The following NIPAL3 variants were observed in gnomAD, a reference collection of about 807,000 sequenced individuals.
NIPAL3 encodes the protein NIPA-like protein 3.
A neutral mutation model predicts 47.2 loss-of-function variants in NIPAL3; 41 were observed. The observed-to-expected ratio is 0.87, with a 90% CI of 0.68 to 1.13. NIPAL3 has a LOEUF of 1.13. NIPAL3 is among the 50% of genes most tolerant of loss of function. NIPAL3 has a pLI of 0.00. For synonymous variants in NIPAL3, 194 were observed against 209.6 expected (o/e 0.93, Z 0.64); for missense variants, 449 against 530.1 (o/e 0.85, Z 1.50).
At position 24,469,104 on chromosome 1, in the gene NIPAL3, G is replaced by A; in HGVS notation, c.1140G>A (p.Leu380=). The A allele has an allele frequency of 6.2e-7, 1 of 1,614,126 alleles. No homozygotes were observed. Among genetic ancestry groups the A allele is most frequent in the Non-Finnish European group, 8.5e-7 (1 of 1,180,032 alleles). The part of the protein sequence containing the change: ...NISEIYAPAT[L]PVMQEEHGSR... Reference sequence around the variant, plus strand: ...CTGAGATCTACGCTCCTGCCACCCTGCCAGTCATGCAAGAAGAGCACGGCT... The same window carrying A: ...CTGAGATCTACGCTCCTGCCACCCTACCAGTCATGCAAGAAGAGCACGGCT... Residue 380 remains leucine (L), a synonymous_variant, in exon 12 of 12, where the codon CTG becomes CTA. Transcript: ENST00000374399.
chr1:24,463,527 T>C (rs1646568149), intron 10 of NIPAL3, among the ~76,000 whole-genome samples: 1 of 152,164 alleles, frequency 6.6e-6, no homozygotes, highest in African/African-American at 2.4e-5. Context: ...AAAGTATGCT[T>C]GTTTATGTAA....
chr1:24,468,586 C>T (rs368788036), intron 11 of NIPAL3, among the ~76,000 whole-genome samples: 1 of 152,318 alleles, frequency 6.6e-6, no homozygotes, highest in East Asian at 1.9e-4. Flanking sequence ...ACAAAAATTA[C>T]CCTCTTTCCT....
At chr1:24,442,326 T>A in intron 4 of NIPAL3, 100 bp downstream of exon 4, 1 of 1,315,366 alleles carries the variant, frequency 7.6e-7, no homozygotes, top group Non-Finnish European at 1.0e-6. Context: ...AAACCAGCTT[T>A]AGCTTGGATA....
At chr1:24,421,329 G>A (rs1258140892) in intron 2 of NIPAL3, among the ~76,000 whole-genome samples, 1 of 151,960 alleles carries the variant, frequency 6.6e-6, no homozygotes, top group Non-Finnish European at 1.5e-5. Context: ...TCCAGCCTGG[G>A]TGAGAGAGTG....
chr1:24,435,026 TC>T (rs1281230793), intron 2 of NIPAL3, among the ~76,000 whole-genome samples: 2 of 152,168 alleles, frequency 1.3e-5, no homozygotes, highest in Non-Finnish European at 2.9e-5. Flanking sequence ...ACTATAGTAG[TC>T]AAGACAATAT....
At chr1:24,419,775 A>T (rs1004415477) in intron 2 of NIPAL3, 135 bp downstream of exon 2, 15 of 753,568 alleles carry the variant, frequency 2.0e-5, no homozygotes, top group Non-Finnish European at 3.3e-5. Context: ...CTTCACACAG[A>T]CAAGGGAATG....
chr1:24,452,636 CT>C (rs2148831563), intron 6 of NIPAL3, among the ~76,000 whole-genome samples: 1 of 152,272 alleles, frequency 6.6e-6, no homozygotes, highest in East Asian at 1.9e-4. Context: ...CTCCAAAGGC[CT>C]TCCTCATTCT....
In NIPAL3 at chr1:24,464,015, C is replaced by T; in HGVS notation, c.927-11C>T. 6.2e-7 allele frequency: 1 copy of T among 1,608,780 alleles called. No homozygotes were observed. The highest frequency in any genetic ancestry group is 8.5e-7 in the Non-Finnish European group (1 of 1,176,430). On this transcript the variant is annotated splice_polypyrimidine_tract_variant and intron_variant, in intron 10 of 11. Coordinates refer to ENST00000374399, the MANE Select transcript of NIPAL3 (RefSeq NM_020448.5). ...CCTTATTTCTCTTCCTATCTTATCT[C>T]CATTCCGCAGGTGCCTCATTGCATT...
rs571591331 is a variant in NIPAL3, at chr1:24,424,042, A to G, written c.93+4402A>G. On this transcript the variant is annotated intron_variant, in intron 2 of 11. Transcript: ENST00000374399. ...AAGAAAACTCAGAGCACTCTCCCTG[A>G]TGAGATTTCTAGTAAGTTTCCATTT... Among the ~76,000 whole-genome samples the G allele has an allele frequency of 3.5e-4, 54 of 152,342 alleles. No individual in the cohort carries two copies. The South Asian group carries it at 0.011, about 30-fold the overall frequency.
In NIPAL3 at chr1:24,419,596, A is replaced by G. The variant is rs1222233623; in HGVS notation, c.49A>G (p.Thr17Ala). Residue 17 changes from threonine (T) to alanine (A), a missense_variant, in exon 2 of 12, where the codon ACA becomes GCA. By Grantham distance (58) the Thr-to-Ala change is moderately conservative (BLOSUM62 0). Coordinates refer to ENST00000374399, the MANE Select transcript of NIPAL3 (RefSeq NM_020448.5). Reference sequence around the variant, plus strand: ...CCTGAAGCTGCAGCAGCTGCCTCCCACAAGTAGCTCCAGCGCCGTAAGCGA... The same window carrying G: ...CCTGAAGCTGCAGCAGCTGCCTCCCGCAAGTAGCTCCAGCGCCGTAAGCGA... ...AALKLQQLPPTSSSSAVSEAS... is the reference protein window; with the variant it reads ...AALKLQQLPPASSSSAVSEAS... 2 of 1,613,994 alleles carry G rather than the reference A, an allele frequency of 1.2e-6. No individual in the cohort carries two copies. Among genetic ancestry groups the G allele is most frequent in the Non-Finnish European group, 1.7e-6 (2 of 1,180,000 alleles).
rs372415650 is a variant in NIPAL3 at position 24,419,534 on chromosome 1, G to A, written c.-14G>A. On this transcript the variant is annotated 5_prime_UTR_variant, in exon 2 of 12. Coordinates refer to ENST00000374399, the MANE Select transcript of NIPAL3 (RefSeq NM_020448.5). ...TCCTAGGCCAGGCCCTGTGGGATGC[G>A]CCACTAGACCACCATGGACGGATCC... 1.8e-5 allele frequency: 29 copies of A among 1,605,396 alleles called. No individual in the cohort carries two copies. The highest frequency in any genetic ancestry group is 3.3e-4 in the Middle Eastern group (2 of 6,020).
At chr1:24,446,069 CGTGTGTGTGTGTG>C (rs1260606403) in intron 5 of NIPAL3, among the ~76,000 whole-genome samples, 3 of 147,736 alleles carry the variant, frequency 2.0e-5, no homozygotes, top group Non-Finnish European at 4.5e-5. Flanking sequence ...AGATTATAGT[CGTGTGTGTGTGTG>C]TGTGTGTGTG....
intron 10 of NIPAL3, among the ~76,000 whole-genome samples, chr1:24,461,123 C>T (rs1002045780): frequency 7.2e-5 from 11 of 152,128 alleles, no homozygotes; most frequent in Non-Finnish European, 1.3e-4. Context: ...AAATGCTCAG[C>T]AGTAGAATAC....
chr1:24,452,307 T>C (rs1645975276), intron 6 of NIPAL3, among the ~76,000 whole-genome samples: 1 of 152,218 alleles, frequency 6.6e-6, no homozygotes, highest in African/African-American at 2.4e-5. Flanking sequence ...CCAGACAGTG[T>C]GGCCTAGCAG....
At position 24,454,228 on chromosome 1, in the gene NIPAL3, G is replaced by A. The variant is rs763517881; in HGVS notation, c.637+724G>A. On this transcript the variant is annotated intron_variant, in intron 7 of 11. Coordinates refer to ENST00000374399, the MANE Select transcript of NIPAL3 (RefSeq NM_020448.5). This position sits in a 1 kb window ranked among gnomAD's most constrained non-coding sequence, Gnocchi z 4.1. ...TAATTTTATAGCTAAATAGAGCTGT[G>A]GGGAATCCATCCTTCCTGAGGAGAA... is the stretch of plus-strand genomic sequence containing the variant. 8.5e-7 allele frequency: 1 copy of A among 1,183,372 alleles called. No homozygotes were observed. The highest frequency in any genetic ancestry group is 1.1e-6 in the Non-Finnish European group (1 of 941,326). 73.3% of individuals were successfully genotyped at this position (1,183,372 alleles called of 1,614,324 possible).
intron 2 of NIPAL3, chr1:24,420,102 A>AAG (rs368127899): frequency 2.0e-5 from 3 of 152,754 alleles, no homozygotes; most frequent in African/African-American, 7.3e-5. Context: ...AAAAAAAAAA[A>AAG]GAGATGCTCA....
intron 2 of NIPAL3, among the ~76,000 whole-genome samples, chr1:24,425,289 T>G (rs1404838595): frequency 6.6e-6 from 1 of 151,202 alleles, no homozygotes; most frequent in Non-Finnish European, 1.5e-5. Flanking sequence ...TTTATAAACT[T>G]TCTTAAAACA....
intron 2 of NIPAL3, among the ~76,000 whole-genome samples, chr1:24,439,209 A>G (rs1239623802): frequency 6.6e-6 from 1 of 152,234 alleles, no homozygotes; most frequent in East Asian, 1.9e-4. Context: ...TGAAAAATTA[A>G]TAATAAAGGA....
upstream of NIPAL3, chr1:24,415,029 A>C (rs1444595821): frequency 2.0e-5 from 3 of 152,078 alleles, no homozygotes; most frequent in Non-Finnish European, 4.4e-5. Flanking sequence ...CTCATTGTTG[A>C]TGTCTAGGCC....
Sources: allele counts gnomAD v4.1 joint callset (sites outside exome capture counted in the v4.1 genomes callset), GRCh38; gene constraint gnomAD v4.1.1; non-coding constraint Gnocchi (gnomAD v3.1); transcripts MANE v1.5; gene names NCBI Gene and HGNC (gene_info 2026-07-23, HGNC 2026-07-21).